NALF1: variants seen among roughly 807,000 people sequenced by gnomAD.
The protein encoded by NALF1 is family with sequence similarity 155 member A.
NALF1 carries 3 observed loss-of-function variants against 48.4 expected under a neutral mutation model. The observed-to-expected ratio is 0.06, with a 90% CI of 0.03 to 0.16. The LOEUF is 0.16. NALF1 is among the 10% of genes least tolerant of loss of function. The probability of loss-of-function intolerance (pLI) is 1.00; values close to 1 mark genes in which losing one functional copy is unlikely to be tolerated. For synonymous variants in NALF1, 262 were observed against 245.7 expected (o/e 1.07, Z -0.62); for missense variants, 526 against 571.5 (o/e 0.92, Z 0.81).
intron 1 of NALF1, among the ~76,000 whole-genome samples, chr13:107,680,746 T>A (rs1881275789): frequency 6.7e-6 from 1 of 149,542 alleles, no homozygotes. Flanking sequence ...TGAATGTGCA[T>A]GAGTGTAAGA....
intron 1 of NALF1, among the ~76,000 whole-genome samples, chr13:107,858,855 T>C (rs1594318220): frequency 6.6e-6 from 1 of 152,206 alleles, no homozygotes; most frequent in East Asian, 1.9e-4. Flanking sequence ...CTGAAGCTTG[T>C]TACCTGCTAT....
chr13:107,170,894 TAGA>T, intron 2 of NALF1, 108 bp from the exon 3 acceptor site: 4 of 980,314 alleles, frequency 4.1e-6, no homozygotes, highest in Non-Finnish European at 6.1e-6. Flanking sequence ...TACAGGCAAT[TAGA>T]CATTTATTTA....
chr13:107,689,545 T>C (rs1336533866), intron 1 of NALF1, among the ~76,000 whole-genome samples: 1 of 152,122 alleles, frequency 6.6e-6, no homozygotes, highest in Non-Finnish European at 1.5e-5. Flanking sequence ...CAAGAGACTG[T>C]TGTGTGAGCC....
At chr13:107,429,757 C>A (rs908183891) in intron 1 of NALF1, among the ~76,000 whole-genome samples, 1 of 151,964 alleles carries the variant, frequency 6.6e-6, no homozygotes, top group Non-Finnish European at 1.5e-5. Flanking sequence ...AAACATAGAA[C>A]TAAAGTGCCT....
chr13:107,409,495 T>A (rs716505), intron 1 of NALF1, among the ~76,000 whole-genome samples: 91,699 of 151,968 alleles, frequency 0.6, 27,952 homozygotes, highest in African/African-American at 0.68. Flanking sequence ...GGAAGACGAA[T>A]GGGTGTGAAT....
intron 1 of NALF1, among the ~76,000 whole-genome samples, chr13:107,768,200 T>C (rs149011901): frequency 6.6e-4 from 101 of 152,314 alleles, no homozygotes; most frequent in African/African-American, 2.3e-3. Context: ...AATGAGACAA[T>C]ACATGCACAA....
intron 1 of NALF1, among the ~76,000 whole-genome samples, chr13:107,763,824 G>A (rs569193685): frequency 2.6e-5 from 4 of 152,094 alleles, no homozygotes; most frequent in Non-Finnish European, 5.9e-5. Flanking sequence ...ACAATGATCT[G>A]GATGAGATTT....
chr13:107,178,714 C>A (rs377697740), intron 2 of NALF1, among the ~76,000 whole-genome samples: 1 of 152,236 alleles, frequency 6.6e-6, no homozygotes, highest in African/African-American at 2.4e-5. Context: ...CAGGCCAAGG[C>A]GGGCGGATCA....
At chr13:107,457,469 G>A (rs1884842805) in intron 1 of NALF1, among the ~76,000 whole-genome samples, 1 of 152,210 alleles carries the variant, frequency 6.6e-6, no homozygotes, top group Admixed American at 6.5e-5. Context: ...CCAAGAAAGT[G>A]TAGCAAGCAC....
chr13:107,259,624 G>A (rs189157561), intron 1 of NALF1, among the ~76,000 whole-genome samples: 9 of 152,310 alleles, frequency 5.9e-5, no homozygotes, highest in Non-Finnish European at 1.2e-4. Flanking sequence ...AAAATGACAA[G>A]TCAATTCACA....
chr13:107,602,977 G>A (rs546210208), intron 1 of NALF1, among the ~76,000 whole-genome samples: 1 of 152,248 alleles, frequency 6.6e-6, no homozygotes, highest in Non-Finnish European at 1.5e-5. Context: ...GGGCAATTTC[G>A]CAGCTCTCTT....
intron 1 of NALF1, among the ~76,000 whole-genome samples, chr13:107,444,116 C>A (rs1346812055): frequency 6.6e-6 from 1 of 152,038 alleles, no homozygotes. Context: ...AAATCCTTTA[C>A]TAATTATATA....
At chr13:107,578,653 G>A (rs934671148) in intron 1 of NALF1, among the ~76,000 whole-genome samples, 7 of 151,912 alleles carry the variant, frequency 4.6e-5, no homozygotes, top group African/African-American at 1.7e-4. Context: ...TTGTATCATT[G>A]TGATATGAAT....
intron 1 of NALF1, among the ~76,000 whole-genome samples, chr13:107,842,895 T>A (rs1284725481): frequency 6.6e-6 from 1 of 152,066 alleles, no homozygotes; most frequent in Non-Finnish European, 1.5e-5. Flanking sequence ...GGCTTCTTAT[T>A]TAGGTAACAC....
intron 1 of NALF1, among the ~76,000 whole-genome samples, chr13:107,413,080 G>C (rs1884019828): frequency 6.6e-6 from 1 of 152,262 alleles, no homozygotes; most frequent in South Asian, 2.1e-4. Flanking sequence ...CTTGCCAAAA[G>C]CAGGAACATC....
rs1186676840 is a variant in NALF1 at position 107,867,331 on chromosome 13, T to C, written c.-735A>G. Among the ~76,000 whole-genome samples the C allele has an allele frequency of 1.5e-3, 149 of 96,886 alleles. No homozygotes were observed. The highest frequency in any genetic ancestry group is 5.8e-3 in the African/African-American group (145 of 25,002). 63.6% of individuals were successfully genotyped at this position (96,886 alleles called of 152,430 possible). On this transcript the variant is annotated 5_prime_UTR_variant, in exon 1 of 3. Transcript: ENST00000375915. The surrounding 1 kb of genome is among the most constrained non-coding windows in gnomAD (Gnocchi z 4.4). ...CCGCCGCCGCCGCCGCCGCCGCCGC[T>C]GCCGCAGGGCCGCCCGCGGGCGCCG...
intron 2 of NALF1, among the ~76,000 whole-genome samples, chr13:107,205,223 G>T (rs1879612946): frequency 6.9e-6 from 1 of 145,718 alleles, no homozygotes; most frequent in Admixed American, 7.2e-5. Flanking sequence ...TGATCTCATT[G>T]TTCAATTCCC....
intron 1 of NALF1, among the ~76,000 whole-genome samples, chr13:107,722,361 A>G (rs1459753972): frequency 6.6e-6 from 1 of 152,198 alleles, no homozygotes. Flanking sequence ...GCAATCCTTG[A>G]TATCTATTCC....
intron 2 of NALF1, among the ~76,000 whole-genome samples, chr13:107,199,747 A>G (rs1879470741): frequency 6.6e-6 from 1 of 152,194 alleles, no homozygotes; most frequent in Admixed American, 6.5e-5. Context: ...GGTGGGATAC[A>G]AGGACAAAAA....
Sources: allele counts gnomAD v4.1 joint callset (sites outside exome capture counted in the v4.1 genomes callset), GRCh38; gene constraint gnomAD v4.1.1; non-coding constraint Gnocchi (gnomAD v3.1); transcripts MANE v1.5; gene names NCBI Gene and HGNC (gene_info 2026-07-23, HGNC 2026-07-21).